ZNF81: variants seen among roughly 807,000 people sequenced by gnomAD.
The protein encoded by ZNF81 is zinc finger protein 81.
Under a neutral mutation model 32.3 loss-of-function variants are expected in ZNF81, and 5 were observed. The observed-to-expected ratio is 0.15, with a 90% CI of 0.08 to 0.33. The LOEUF is 0.33. Ranked by LOEUF, ZNF81 falls within the 10% of genes least tolerant of loss-of-function variation. The pLI, the probability that ZNF81 is intolerant of heterozygous loss-of-function variation, is 1.00. For synonymous variants in ZNF81, 163 were observed against 166.8 expected (o/e 0.98, Z 0.17); for missense variants, 379 against 479.8 (o/e 0.79, Z 1.96).
At chrX:47,865,821 T>C (rs1182296686) in intron 2 of ZNF81, among the ~76,000 whole-genome samples, 1 of 111,151 alleles carries the variant, frequency 9.0e-6, no homozygotes, top group African/African-American at 3.3e-5. Context: ...CACCCAGAGG[T>C]CCCAGATGCT....
intron 2 of ZNF81, among the ~76,000 whole-genome samples, chrX:47,848,195 G>A (rs981328797): frequency 1.2e-4 from 13 of 112,008 alleles, no homozygotes; most frequent in African/African-American, 3.9e-4. Context: ...AATTACAGGC[G>A]TGAGCCACCA....
chrX:47,870,082 A>T (rs934390672), intron 2 of ZNF81, among the ~76,000 whole-genome samples: 3 of 111,887 alleles, frequency 2.7e-5, no homozygotes, highest in Admixed American at 9.5e-5. Context: ...TCCCAGGAAC[A>T]CTTTCATGTA....
chrX:47,841,023 C>T (rs782693363), intron 1 of ZNF81: 207 of 852,357 alleles, frequency 2.4e-4, no homozygotes, highest in Non-Finnish European at 3.5e-4. Flanking sequence ...GTGTGCCCGT[C>T]TCCTTGAGGA....
intron 4 of ZNF81, among the ~76,000 whole-genome samples, chrX:47,904,729 T>G (rs1556888805): frequency 1.8e-5 from 2 of 111,836 alleles, no homozygotes; most frequent in African/African-American, 3.3e-5. Flanking sequence ...ACCCAAAGGA[T>G]TATAAATCAT....
intron 2 of ZNF81, among the ~76,000 whole-genome samples, chrX:47,853,462 G>A (rs1000778912): frequency 2.7e-5 from 3 of 112,008 alleles, no homozygotes; most frequent in Admixed American, 9.4e-5. Flanking sequence ...TTACAGGCGT[G>A]AGCCACCGTG....
chrX:47,895,140 C>A (rs2058675270), intron 3 of ZNF81, among the ~76,000 whole-genome samples: 1 of 110,984 alleles, frequency 9.0e-6, no homozygotes, highest in East Asian at 2.8e-4. Flanking sequence ...AGAATTTTGT[C>A]TTCCCCCAAA....
At chrX:47,888,253 T>A in intron 3 of ZNF81, 128 bp downstream of exon 3, 1 of 931,556 alleles carries the variant, frequency 1.1e-6, no homozygotes. Context: ...AATAGAGTCT[T>A]TACAGAAGTA....
In ZNF81 at chrX:47,888,005, G is replaced by A. The variant is rs868942159; in HGVS notation, c.61G>A (p.Val21Met). ...GEHGSACEVSVSFEDVTVDFS... is the reference protein window; with the variant it reads ...GEHGSACEVSMSFEDVTVDFS... The stretch of plus-strand genomic sequence containing the variant: ...CAAGATTGTGTTGTTACAGGTATCA[G>A]TGTCATTTGAGGATGTGACTGTGGA... The change falls in exon 3 of 5, where the codon GTG becomes ATG. Residue 21 changes from valine to methionine, a missense_variant. Around this residue, in one of 2 missense-constraint regions of ZNF81, gnomAD observed 277 missense variants for 306.6 expected, o/e 0.90. Transcript: ENST00000338637. The A allele has an allele frequency of 5.8e-6, 7 of 1,211,492 alleles. No homozygotes were observed. In the East Asian group the frequency reaches 1.2e-4, roughly 20 times the overall value.
At position 47,918,103 on chromosome X, in the gene ZNF81, GT is replaced by G. The variant is rs2058763636; in HGVS notation, c.*1474del. Reference sequence around the variant, plus strand: ...TTGCAGCAGAATATGGGAAGTATCAGTTTGCTTCTTTTAGCTGCATATGATA... The same window carrying G: ...TTGCAGCAGAATATGGGAAGTATCAGTTGCTTCTTTTAGCTGCATATGATA... On this transcript the variant is annotated 3_prime_UTR_variant, in exon 5 of 5. Transcript: ENST00000338637. 2.7e-5 allele frequency: 3 copies of G among 111,006 alleles called. No individual in the cohort carries two copies. Among genetic ancestry groups the G allele is most frequent in the African/African-American group, 9.8e-5 (3 of 30,596 alleles). The allele number at this position is 111,006 out of a possible 1,213,427, so 9.1% of individuals were successfully genotyped here.
intron 2 of ZNF81, among the ~76,000 whole-genome samples, chrX:47,859,262 T>G (rs2058530539): frequency 8.9e-6 from 1 of 111,758 alleles, no homozygotes; most frequent in Non-Finnish European, 1.9e-5. Flanking sequence ...GTATATGTTA[T>G]TTCAATAATT....
chrX:47,907,155 A>G (rs2058723752), intron 4 of ZNF81, among the ~76,000 whole-genome samples: 1 of 95,048 alleles, frequency 1.1e-5, no homozygotes, highest in South Asian at 5.5e-4. Context: ...AGCCACATAA[A>G]TATAAATTTC....
At chrX:47,888,934 G>A (rs1047210258) in intron 3 of ZNF81, among the ~76,000 whole-genome samples, 7 of 111,923 alleles carry the variant, frequency 6.3e-5, no homozygotes, top group Non-Finnish European at 1.3e-4. Flanking sequence ...GCTGAATTGC[G>A]TTCTGTTGGG....
chrX:47,883,531 C>T, intron 2 of ZNF81, among the ~76,000 whole-genome samples: 1 of 111,896 alleles, frequency 8.9e-6, no homozygotes, highest in Non-Finnish European at 1.9e-5. Flanking sequence ...TTAGTTTCAG[C>T]TTTTATGTTT....
At chrX:47,894,547 G>C (rs1182173548) in intron 3 of ZNF81, among the ~76,000 whole-genome samples, 1 of 111,164 alleles carries the variant, frequency 9.0e-6, no homozygotes, top group Non-Finnish European at 1.9e-5. Context: ...CCTGGTGGAA[G>C]TATTTCTCCC....
chrX:47,894,339 T>C (rs1556886893), intron 3 of ZNF81, among the ~76,000 whole-genome samples: 1 of 111,416 alleles, frequency 9.0e-6, no homozygotes, highest in East Asian at 2.8e-4. Context: ...ATATTGAGGC[T>C]GGGAGATTCT....
intron 3 of ZNF81, among the ~76,000 whole-genome samples, chrX:47,890,732 C>T (rs781899384): frequency 2.2e-4 from 25 of 111,782 alleles, no homozygotes; most frequent in Admixed American, 3.8e-4. Flanking sequence ...TAGCTTTACC[C>T]AAATCAGGAA....
intron 1 of ZNF81, among the ~76,000 whole-genome samples, chrX:47,844,982 C>G (rs1458988704): frequency 8.9e-6 from 1 of 112,041 alleles, no homozygotes; most frequent in Non-Finnish European, 1.9e-5. Flanking sequence ...AGAATGTAAA[C>G]CTGTCAATTC....
chrX:47,859,310 T>G (rs1432274256), intron 2 of ZNF81, among the ~76,000 whole-genome samples: 1 of 111,421 alleles, frequency 9.0e-6, no homozygotes, highest in Non-Finnish European at 1.9e-5. Flanking sequence ...ATTTGAAGGC[T>G]TATCAGTTCA....
chrX:47,876,528 G>C (rs1193339035), intron 2 of ZNF81, among the ~76,000 whole-genome samples: 1 of 112,055 alleles, frequency 8.9e-6, no homozygotes, highest in East Asian at 2.8e-4. Flanking sequence ...CCTGAGACGT[G>C]TCCAGGTCAA....
Sources: gnomAD v4.1 joint callset for allele counts (sites outside exome capture counted in the v4.1 genomes callset) on GRCh38, gnomAD v4.1.1 for gene constraint, gnomAD v4.1.1 regional missense constraint, MANE v1.5 for transcripts, NCBI Gene and HGNC (gene_info 2026-07-23, HGNC 2026-07-21) for gene names.